Variants in SLC35E1 observed in about 807,000 individuals in gnomAD.
SLC35E1 encodes solute carrier family 35, member E1.
A neutral mutation model predicts 31.0 loss-of-function variants in SLC35E1; 12 were observed. The ratio of observed to expected loss-of-function variants is 0.39; its 90% CI spans 0.25 to 0.63. The LOEUF (loss-of-function observed/expected upper bound fraction) is 0.63, where lower values mean the gene tolerates loss of function less well. Ranked by LOEUF, SLC35E1 falls within the 20% of genes least tolerant of loss-of-function variation. The pLI is 0.52. For synonymous variants in SLC35E1, 257 were observed against 264.1 expected (o/e 0.97, Z 0.26); for missense variants, 429 against 572.2 (o/e 0.75, Z 2.55).
intron 4 of SLC35E1, 67 bp downstream of exon 4, chr19:16,566,465 C>G: frequency 6.2e-7 from 1 of 1,601,164 alleles, no homozygotes; most frequent in Non-Finnish European, 8.5e-7. Context: ...AGCTACAGCT[C>G]CTCAACAAAG....
chr19:16,557,021 C>A (rs1390016522), intron 4 of SLC35E1: 20 of 470,558 alleles, frequency 4.3e-5, no homozygotes, highest in Non-Finnish European at 7.1e-5. Flanking sequence ...GTTGGGCCAG[C>A]CTGTTCTCCC....
chr19:16,553,644 G>C lies in SLC35E1; in HGVS notation c.*35C>G, dbSNP rs1290542443. ...TGATACTGCTGTGGGGGCCGGGGAA[G>C]GAGTCACCAACAGTCTGGTCCTGTC... On this transcript the variant is annotated 3_prime_UTR_variant, in exon 6 of 6. Transcript: ENST00000595753. 1 of 1,422,002 alleles carries C rather than the reference G, an allele frequency of 7.0e-7. No homozygotes were observed. Among genetic ancestry groups the C allele is most frequent in the Non-Finnish European group, 9.3e-7 (1 of 1,073,650 alleles). 88.1% of individuals were successfully genotyped at this position (1,422,002 alleles called of 1,614,324 possible). A position where few individuals can be genotyped will look rare whatever the true frequency, so the allele number is the denominator to read the frequency against.
intron 3 of SLC35E1, 145 bp from the exon 4 acceptor site, chr19:16,566,802 A>T: frequency 1.0e-6 from 1 of 972,148 alleles, no homozygotes; most frequent in Non-Finnish European, 1.5e-6. Context: ...ATTTGTGAGG[A>T]CATACACAGC....
intron 4 of SLC35E1, among the ~76,000 whole-genome samples, chr19:16,558,065 TAG>T (rs796316363): frequency 0.022 from 3,366 of 151,704 alleles, 140 homozygotes; most frequent in African/African-American, 0.078. Flanking sequence ...TTTTTTGAGA[TAG>T]AGTTTTGCTC....
intron 4 of SLC35E1, among the ~76,000 whole-genome samples, chr19:16,559,745 G>A (rs981280502): frequency 2.6e-5 from 4 of 152,164 alleles, no homozygotes; most frequent in African/African-American, 9.7e-5. Context: ...CTTGGAGCAC[G>A]ATGGTAATCA....
At chr19:16,568,478 C>T (rs915633794) in intron 2 of SLC35E1, among the ~76,000 whole-genome samples, 3 of 152,222 alleles carry the variant, frequency 2.0e-5, no homozygotes, top group Admixed American at 6.5e-5. Context: ...CTGCCACTGA[C>T]GCACCAGGGT....
rs2085872447 is a variant in SLC35E1 at position 16,555,748 on chromosome 19, G to A, written c.757-351C>T. On this transcript the variant is annotated intron_variant, in intron 4 of 5. Transcript: ENST00000595753. The surrounding 1 kb of genome is among the most constrained non-coding windows in gnomAD (Gnocchi z 4.1). ...CAAAGCAGGGATCTGCTTGTTGGAC[G>A]CAATGCATTCTACAGGGTTGGAGGT... 9.9e-6 allele frequency: 3 copies of A among 301,652 alleles called. No homozygotes were observed. The South Asian group carries it at 1.2e-4, about 12-fold the overall frequency. 18.7% of individuals were successfully genotyped at this position (301,652 alleles called of 1,614,324 possible). A position where few individuals can be genotyped will look rare whatever the true frequency, so the allele number is the denominator to read the frequency against.
chr19:16,561,213 CAAAAAAAAAAAA>C lies in SLC35E1; in HGVS notation c.756+5307_756+5318del, dbSNP rs59176175. Among the ~76,000 whole-genome samples, 96 of 24,754 alleles carry C rather than the reference CAAAAAAAAAAAA, an allele frequency of 3.9e-3. No individual in the cohort carries two copies. In the East Asian group the frequency reaches 0.095, roughly 24 times the overall value. 16.2% of individuals were successfully genotyped at this position (24,754 alleles called of 152,430 possible). Reference sequence around the variant, plus strand: ...TGGGCAACAGATCAAGACTCCATCTCAAAAAAAAAAAAAAAAAAAAAAAAAAAAAAGAAAGAA... The same window carrying C: ...TGGGCAACAGATCAAGACTCCATCTCAAAAAAAAAAAAAAAAAAGAAAGAA... On this transcript the variant is annotated intron_variant, in intron 4 of 5. Coordinates refer to ENST00000595753, the MANE Select transcript of SLC35E1 (RefSeq NM_024881.5).
chr19:16,567,952 G>T (rs116520516), intron 3 of SLC35E1, 80 bp downstream of exon 3: 2 of 1,451,730 alleles, frequency 1.4e-6, no homozygotes, highest in Non-Finnish European at 9.1e-7. Context: ...TTTCTACTCC[G>T]CCTGTTTTCC....
intron 4 of SLC35E1, chr19:16,565,027 A>G (rs1297693852): frequency 1.4e-5 from 6 of 441,958 alleles, no homozygotes; most frequent in African/African-American, 1.2e-4. Context: ...AGACCTCAAT[A>G]AATATTTACT....
At chr19:16,563,676 T>TC (rs1273230555) in intron 4 of SLC35E1, among the ~76,000 whole-genome samples, 1 of 152,192 alleles carries the variant, frequency 6.6e-6, no homozygotes, top group Non-Finnish European at 1.5e-5. Context: ...AGATGGGGTT[T>TC]CCCCACGTTG....
intron 4 of SLC35E1, among the ~76,000 whole-genome samples, chr19:16,560,009 G>A (rs952290778): frequency 1.3e-5 from 2 of 152,174 alleles, no homozygotes; most frequent in African/African-American, 4.8e-5. Flanking sequence ...CCTTCTGTGG[G>A]TTGTGGTTCC....
chr19:16,565,055 GTC>G, intron 4 of SLC35E1: 1 of 449,978 alleles, frequency 2.2e-6, no homozygotes, highest in Non-Finnish European at 4.5e-6. Flanking sequence ...TCTAACTCGA[GTC>G]TGGAAGAATC....
intron 4 of SLC35E1, among the ~76,000 whole-genome samples, chr19:16,558,557 G>A (rs1366999366): frequency 7.9e-5 from 12 of 151,982 alleles, no homozygotes; most frequent in Admixed American, 5.9e-4. Flanking sequence ...GGCTGGTCTC[G>A]AACTCCTGAC....
chr19:16,561,038 T>TA (rs796591473), intron 4 of SLC35E1, among the ~76,000 whole-genome samples: 1,775 of 132,300 alleles, frequency 0.013, 30 homozygotes, highest in African/African-American at 0.044. Context: ...CCATCTCTAC[T>TA]AAAAAAAAAA....
intron 4 of SLC35E1, among the ~76,000 whole-genome samples, chr19:16,557,817 G>GTT (rs2085882530): frequency 6.6e-6 from 1 of 151,990 alleles, no homozygotes; most frequent in African/African-American, 2.4e-5. Context: ...GAAGTTTTTT[G>GTT]TTTTGTTTTG....
Position 16,551,570 on chromosome 19 carries a change from T to C in SLC35E1, c.*2109A>G, listed in dbSNP as rs1377915709. ...GCCAGCAAGAAGCTGGGTGTGGTGA[T>C]GAAGAAAGAAGGCAGCCATCACCTA... is the stretch of plus-strand genomic sequence containing the variant. On this transcript the variant is annotated 3_prime_UTR_variant, in exon 6 of 6. Coordinates refer to ENST00000595753, the MANE Select transcript of SLC35E1 (RefSeq NM_024881.5). The C allele has an allele frequency of 6.6e-6, 1 of 151,888 alleles. No individual in the cohort carries two copies. Among genetic ancestry groups the C allele is most frequent in the African/African-American group, 2.4e-5 (1 of 41,330 alleles). 9.4% of individuals were successfully genotyped at this position (151,888 alleles called of 1,614,324 possible). A position where few individuals can be genotyped will look rare whatever the true frequency, so the allele number is the denominator to read the frequency against.
At chr19:16,568,249 C>T in intron 2 of SLC35E1, 80 bp from the exon 3 acceptor site, 4 of 1,470,978 alleles carry the variant, frequency 2.7e-6, no homozygotes, top group Non-Finnish European at 3.6e-6. Flanking sequence ...AGGGAAGAGC[C>T]CCTCTCCTCC....
At position 16,572,095 on chromosome 19, in the gene SLC35E1, G is replaced by A. The variant is rs1173673106; in HGVS notation, c.270C>T (p.Gly90=). ...WRVPPAPPVS[G]PGPSPHPSSG... ...ACGACGGATGCGGACTGGGTCCGGG[G>A]CCCGAGACGGGCGGCGCGGGGGGCA... The change falls in exon 1 of 6, where the codon GGC becomes GGT. Residue 90 remains glycine (G), a synonymous_variant. Coordinates refer to ENST00000595753, the MANE Select transcript of SLC35E1 (RefSeq NM_024881.5). This position sits in a 1 kb window ranked among gnomAD's most constrained non-coding sequence, Gnocchi z 4.1. 7.7e-5 allele frequency: 117 copies of A among 1,517,810 alleles called. No individual in the cohort carries two copies. Among genetic ancestry groups the A allele is most frequent in the Non-Finnish European group, 1.0e-4 (116 of 1,133,756 alleles). 94.0% of individuals were successfully genotyped at this position (1,517,810 alleles called of 1,614,324 possible).
Sources: gnomAD v4.1 joint callset for allele counts (sites outside exome capture counted in the v4.1 genomes callset) on GRCh38, gnomAD v4.1.1 for gene constraint, Gnocchi (gnomAD v3.1) non-coding constraint, MANE v1.5 for transcripts, NCBI Gene and HGNC (gene_info 2026-07-23, HGNC 2026-07-21) for gene names.